Variants in AGBL4 observed in about 807,000 individuals in gnomAD.
The protein encoded by AGBL4 is cytosolic carboxypeptidase 6.
In AGBL4, 58 loss-of-function variants were observed where a neutral mutation model predicts 66.4. The ratio of observed to expected loss-of-function variants is 0.87; its 90% CI spans 0.71 to 1.09. The LOEUF (loss-of-function observed/expected upper bound fraction) is 1.09. Among genes scored for constraint, AGBL4 ranks in the 50% least tolerant of loss-of-function variants. The probability of loss-of-function intolerance (pLI) is 0.00; values close to 1 mark genes in which losing one functional copy is unlikely to be tolerated. For synonymous variants in AGBL4, 234 were observed against 222.9 expected, an observed-to-expected ratio of 1.05 and a Z score of -0.44; for missense variants, 579 against 631.0, an observed-to-expected ratio of 0.92 and a Z score of 0.88.
intron 4 of AGBL4, among the ~76,000 whole-genome samples, chr1:49,116,502 A>C (rs1487283165): frequency 1.3e-5 from 2 of 152,202 alleles, no homozygotes; most frequent in Non-Finnish European, 2.9e-5. Flanking sequence ...TAGTTTGCTG[A>C]GAATGATGTT....
intron 6 of AGBL4, among the ~76,000 whole-genome samples, chr1:48,738,947 T>C (rs926497332): frequency 1.3e-5 from 2 of 152,230 alleles, no homozygotes; most frequent in African/African-American, 4.8e-5. Flanking sequence ...AGAGGGACTA[T>C]GTAACTTTTC....
rs1039686262 is a variant in AGBL4 at position 49,650,274 on chromosome 1, G to A, written c.282+47039C>T. On this transcript the variant is annotated intron_variant, in intron 3 of 13. Coordinates refer to ENST00000371839, the MANE Select transcript of AGBL4 (RefSeq NM_032785.4). Reference sequence around the variant, plus strand: ...CCATAGGAAAAAAGCTGGGGGCACAGAAAAGGAAGGCAGCAAGAATATGGC... The same window carrying A: ...CCATAGGAAAAAAGCTGGGGGCACAAAAAAGGAAGGCAGCAAGAATATGGC... 8.1e-4 allele frequency among the ~76,000 whole-genome samples: 123 copies of A among 152,308 alleles called. 1 individual carries two copies. Among genetic ancestry groups the A allele is most frequent in the African/African-American group, 2.9e-3 (121 of 41,576 alleles).
intron 1 of AGBL4, among the ~76,000 whole-genome samples, chr1:49,889,254 A>T (rs1172752932): frequency 6.6e-6 from 1 of 152,134 alleles, no homozygotes; most frequent in African/African-American, 2.4e-5. Flanking sequence ...CAGGAGGTTC[A>T]CTTGAGCCCA....
At chr1:48,628,130 G>C (rs1159657392) in intron 9 of AGBL4, among the ~76,000 whole-genome samples, 1 of 152,204 alleles carries the variant, frequency 6.6e-6, no homozygotes, top group Non-Finnish European at 1.5e-5. Flanking sequence ...AGTACAGAAA[G>C]GTGCTGAATG....
intron 2 of AGBL4, among the ~76,000 whole-genome samples, chr1:49,723,160 T>C (rs1006678060): frequency 1.3e-5 from 2 of 152,136 alleles, no homozygotes; most frequent in Admixed American, 1.3e-4. Flanking sequence ...TCCTAATTTG[T>C]CCTTTCTTTC....
intron 9 of AGBL4, 114 bp from the exon 10 acceptor site, chr1:48,591,099 C>CCT (rs1557812663): frequency 1.4e-6 from 1 of 706,252 alleles, no homozygotes; most frequent in African/African-American, 2.2e-5. Context: ...CACCCCCCCC[C>CCT]ACACACACAC....
intron 1 of AGBL4, among the ~76,000 whole-genome samples, chr1:49,917,167 A>T (rs543414278): frequency 3.3e-4 from 51 of 152,326 alleles, no homozygotes; most frequent in African/African-American, 1.2e-3. Flanking sequence ...CTAGGAAGAA[A>T]TTGCATCAAC....
chr1:49,352,628 A>T (rs1643934781), intron 3 of AGBL4, among the ~76,000 whole-genome samples: 1 of 152,134 alleles, frequency 6.6e-6, no homozygotes, highest in South Asian at 2.1e-4. Flanking sequence ...CTCTGGAGAC[A>T]GTGGCTTGAT....
At chr1:49,423,743 C>T (rs963022116) in intron 3 of AGBL4, among the ~76,000 whole-genome samples, 1 of 138,760 alleles carries the variant, frequency 7.2e-6, no homozygotes, top group Non-Finnish European at 1.5e-5. Flanking sequence ...ACGTGGGAGG[C>T]GGAGGTTGCA....
chr1:48,949,017 G>T (rs1480019393), intron 5 of AGBL4, among the ~76,000 whole-genome samples: 1 of 152,156 alleles, frequency 6.6e-6, no homozygotes, highest in Admixed American at 6.5e-5. Context: ...TAGAAATGTT[G>T]TTTCTGAAGA....
chr1:49,551,742 G>A (rs1652972897), intron 3 of AGBL4, among the ~76,000 whole-genome samples: 1 of 152,174 alleles, frequency 6.6e-6, no homozygotes, highest in East Asian at 1.9e-4. Flanking sequence ...AGCTTTGGTA[G>A]TTTAATGCTC....
At chr1:48,813,610 G>A (rs1338867851) in intron 6 of AGBL4, among the ~76,000 whole-genome samples, 1 of 152,102 alleles carries the variant, frequency 6.6e-6, no homozygotes, top group African/African-American at 2.4e-5. Flanking sequence ...TGGCCACCAG[G>A]GCTCTCTGCA....
chr1:49,401,128 T>C (rs1230518032), intron 3 of AGBL4, among the ~76,000 whole-genome samples: 1 of 152,180 alleles, frequency 6.6e-6, no homozygotes, highest in South Asian at 2.1e-4. Flanking sequence ...AGAGGTTTAA[T>C]TCACTCACGT....
chr1:49,819,388 C>T (rs570833525), intron 2 of AGBL4, among the ~76,000 whole-genome samples: 2 of 152,252 alleles, frequency 1.3e-5, no homozygotes, highest in Non-Finnish European at 2.9e-5. Flanking sequence ...ACTTACAGAA[C>T]AGTTACGCTA....
In AGBL4 at chr1:48,626,342, G is replaced by C. The variant is rs529058629; in HGVS notation, c.951+8151C>G. Among the ~76,000 whole-genome samples the C allele has an allele frequency of 1.4e-3, 215 of 152,358 alleles. 3 individuals carry two copies. The South Asian group carries it at 0.041, about 29-fold the overall frequency. ...TTGGATCTTGCTCTACAACTGGTGAGGTAGGCAGGTCAGAAATTGTTCTTT... is the reference window on the plus strand; with the variant it reads ...TTGGATCTTGCTCTACAACTGGTGACGTAGGCAGGTCAGAAATTGTTCTTT... On this transcript the variant is annotated intron_variant, in intron 9 of 13. Coordinates refer to ENST00000371839, the MANE Select transcript of AGBL4 (RefSeq NM_032785.4).
chr1:49,105,863 A>T (rs746069799), intron 4 of AGBL4, among the ~76,000 whole-genome samples: 1 of 152,182 alleles, frequency 6.6e-6, no homozygotes, highest in Non-Finnish European at 1.5e-5. Flanking sequence ...TTTGATGATA[A>T]TCCAATTGCT....
At chr1:49,960,388 T>C (rs1318987767) in intron 1 of AGBL4, among the ~76,000 whole-genome samples, 1 of 151,924 alleles carries the variant, frequency 6.6e-6, no homozygotes, top group African/African-American at 2.4e-5. Flanking sequence ...AGAAGAAAAG[T>C]AGAACAGAAG....
At chr1:48,926,087 G>A in intron 5 of AGBL4, among the ~76,000 whole-genome samples, 1 of 152,054 alleles carries the variant, frequency 6.6e-6, no homozygotes, top group Non-Finnish European at 1.5e-5. Flanking sequence ...CCAAAATGTT[G>A]ATTTTTCAAA....
rs182760952 is a variant in AGBL4, at chr1:49,322,387, C to G, written c.283-76523G>C. On this transcript the variant is annotated intron_variant, in intron 3 of 13. Coordinates refer to ENST00000371839, the MANE Select transcript of AGBL4 (RefSeq NM_032785.4). ...GTGAATGAGGATAAGAAATGAGACT[C>G]TTTTTAAATAAAAGCCATTTTAGCT... is the stretch of plus-strand genomic sequence containing the variant. Among the ~76,000 whole-genome samples the G allele has an allele frequency of 5.5e-4, 83 of 152,270 alleles. 1 individual carries two copies. In the East Asian group the frequency reaches 0.015, roughly 28 times the overall value.
Sources: gnomAD v4.1 joint callset for allele counts (sites outside exome capture counted in the v4.1 genomes callset) on GRCh38, gnomAD v4.1.1 for gene constraint, MANE v1.5 for transcripts, NCBI Gene and HGNC (gene_info 2026-07-23, HGNC 2026-07-21) for gene names.